The following SLC13A3 variants were observed in gnomAD, a reference collection of about 807,000 sequenced individuals.
SLC13A3 encodes the protein solute carrier family 13 member 3.
In SLC13A3, 40 loss-of-function variants were observed where a neutral mutation model predicts 59.0. The observed-to-expected ratio is 0.68, with a 90% confidence interval of 0.53 to 0.88. SLC13A3 has a LOEUF of 0.88. Among genes scored for constraint, SLC13A3 ranks in the 40% least tolerant of loss-of-function variants. The pLI, the probability that SLC13A3 is intolerant of heterozygous loss-of-function variation, is 0.00. For missense variants in SLC13A3, 699 were observed against 783.2 expected (o/e 0.89, Z 1.28); for synonymous variants, 317 against 330.3 (o/e 0.96, Z 0.44).
chr20:46,627,424 CTG>C (rs1226525923), intron 1 of SLC13A3, among the ~76,000 whole-genome samples: 3 of 152,096 alleles, frequency 2.0e-5, no homozygotes, highest in Non-Finnish European at 4.4e-5. Flanking sequence ...GGGGCGGGGA[CTG>C]TGGTGAAGTG....
At chr20:46,604,738 G>A (rs2062419887) in intron 3 of SLC13A3, among the ~76,000 whole-genome samples, 3 of 152,186 alleles carry the variant, frequency 2.0e-5, no homozygotes, top group African/African-American at 7.2e-5. Context: ...ATAGGGATGA[G>A]GGCCCCTGAG....
At chr20:46,677,156 C>T (rs1409795076) in intron 1 of SLC13A3, among the ~76,000 whole-genome samples, 2 of 152,118 alleles carry the variant, frequency 1.3e-5, no homozygotes, top group African/African-American at 2.4e-5. Context: ...TCAGGTGATC[C>T]GCCCACCTCG....
intron 1 of SLC13A3, among the ~76,000 whole-genome samples, chr20:46,679,849 G>C (rs1308160347): frequency 1.3e-5 from 2 of 150,890 alleles, no homozygotes; most frequent in African/African-American, 2.4e-5. Flanking sequence ...TGGAGGTTGT[G>C]ATGAGCCGAA....
intron 9 of SLC13A3, among the ~76,000 whole-genome samples, chr20:46,576,940 A>G (rs375747281): frequency 6.6e-6 from 1 of 152,220 alleles, no homozygotes; most frequent in Non-Finnish European, 1.5e-5. Flanking sequence ...AAGTGTATGC[A>G]GCCCACAGGT....
intron 8 of SLC13A3, among the ~76,000 whole-genome samples, chr20:46,587,406 T>C (rs1441611769): frequency 6.6e-6 from 1 of 152,194 alleles, no homozygotes; most frequent in Non-Finnish European, 1.5e-5. Flanking sequence ...AAAGACACTC[T>C]GATCTGGCCC....
chr20:46,577,208 A>G (rs866834274), intron 9 of SLC13A3, among the ~76,000 whole-genome samples: 5 of 152,070 alleles, frequency 3.3e-5, no homozygotes, highest in African/African-American at 1.2e-4. Flanking sequence ...CCACAGATGT[A>G]TGAAGCCCAC....
intron 6 of SLC13A3, among the ~76,000 whole-genome samples, chr20:46,589,969 C>G (rs1443540024): frequency 6.6e-6 from 1 of 152,180 alleles, no homozygotes; most frequent in Non-Finnish European, 1.5e-5. Flanking sequence ...ATAAACCTCT[C>G]AGAAGAAAGG....
At chr20:46,639,574 C>A (rs1055024035) in intron 1 of SLC13A3, among the ~76,000 whole-genome samples, 11 of 152,226 alleles carry the variant, frequency 7.2e-5, no homozygotes, top group Admixed American at 2.6e-4. Context: ...TCCATAAACT[C>A]CAATCTTCAG....
rs1010407637 is a variant in SLC13A3, at chr20:46,587,919, C to T, written c.1121+140G>A. ...AACTCTTTTGAGAGTGAAAGAGGGACCTATTAATAATCATATGGGACAAAA... is the reference window on the plus strand; with the variant it reads ...AACTCTTTTGAGAGTGAAAGAGGGATCTATTAATAATCATATGGGACAAAA... On this transcript the variant is annotated intron_variant, in intron 8 of 12. Transcript: ENST00000279027. 7 of 495,036 alleles carry T rather than the reference C, an allele frequency of 1.4e-5. No homozygotes were observed. In the Admixed American group the frequency reaches 1.9e-4, roughly 13 times the overall value. 30.7% of individuals were successfully genotyped at this position (495,036 alleles called of 1,614,324 possible).
At chr20:46,648,363 G>C (rs1429518464) in intron 1 of SLC13A3, among the ~76,000 whole-genome samples, 2 of 152,136 alleles carry the variant, frequency 1.3e-5, no homozygotes, top group East Asian at 3.9e-4. Context: ...CTTAATGTCA[G>C]AGAATCTAAT....
chr20:46,666,075 T>C (rs1040416409), intron 1 of SLC13A3, among the ~76,000 whole-genome samples: 1 of 152,232 alleles, frequency 6.6e-6, no homozygotes, highest in African/African-American at 2.4e-5. Context: ...TTGCTGAAAC[T>C]CTGATGAGGC....
At chr20:46,561,579 A>C (rs953195870) in intron 12 of SLC13A3, among the ~76,000 whole-genome samples, 3 of 151,268 alleles carry the variant, frequency 2.0e-5, no homozygotes, top group African/African-American at 7.3e-5. Flanking sequence ...TGGCCATGGC[A>C]TATATTAATA....
intron 1 of SLC13A3, among the ~76,000 whole-genome samples, chr20:46,626,085 G>A (rs776798837): frequency 3.4e-5 from 5 of 149,214 alleles, no homozygotes; most frequent in Non-Finnish European, 5.9e-5. Flanking sequence ...AAAGGTTGCT[G>A]TCAAAGCTGT....
At chr20:46,632,897 A>G (rs1173667715) in intron 1 of SLC13A3, among the ~76,000 whole-genome samples, 1 of 4,792 alleles carries the variant, frequency 2.1e-4, no homozygotes, top group African/African-American at 7.1e-4. Flanking sequence ...AGATAGATAG[A>G]TAGATAGATA....
intron 9 of SLC13A3, among the ~76,000 whole-genome samples, chr20:46,576,470 C>T (rs947641751): frequency 2.0e-5 from 3 of 152,104 alleles, no homozygotes; most frequent in South Asian, 2.1e-4. Flanking sequence ...TTTCCTCAGC[C>T]GGCACATGGC....
chr20:46,643,679 G>A (rs1402012455), intron 1 of SLC13A3, among the ~76,000 whole-genome samples: 3 of 152,190 alleles, frequency 2.0e-5, no homozygotes, highest in African/African-American at 7.2e-5. Context: ...AAGTGAACTT[G>A]ACCTCTGACC....
At chr20:46,568,525 A>C (rs761512394) in intron 10 of SLC13A3, among the ~76,000 whole-genome samples, 1 of 152,152 alleles carries the variant, frequency 6.6e-6, no homozygotes, top group East Asian at 1.9e-4. Context: ...ATAAATGCTT[A>C]AAAATATTTG....
chr20:46,606,408 C>T (rs1292236975), intron 3 of SLC13A3, among the ~76,000 whole-genome samples: 3 of 152,206 alleles, frequency 2.0e-5, no homozygotes, highest in African/African-American at 7.2e-5. Flanking sequence ...TATGGATGAG[C>T]ACCACGCTTC....
chr20:46,657,296 C>A (rs997163461), intron 1 of SLC13A3, among the ~76,000 whole-genome samples: 4 of 151,708 alleles, frequency 2.6e-5, no homozygotes, highest in African/African-American at 9.7e-5. Context: ...TCATTTGAAC[C>A]CGGGAGGCAG....
Sources: allele counts gnomAD v4.1 joint callset (sites outside exome capture counted in the v4.1 genomes callset), GRCh38; gene constraint gnomAD v4.1.1; transcripts MANE v1.5; gene names NCBI Gene and HGNC (gene_info 2026-07-23, HGNC 2026-07-21).